The following MYO3B variants were observed in gnomAD, a reference collection of about 807,000 sequenced individuals.
The protein encoded by MYO3B is myosin-IIIb.
In MYO3B, 156 loss-of-function variants were observed where a neutral mutation model predicts 174.6. That is an observed-to-expected ratio of 0.89 (90% CI 0.78 to 1.02). MYO3B has a LOEUF of 1.02. MYO3B is among the 50% of genes least tolerant of loss of function. The pLI, the probability that MYO3B is intolerant of heterozygous loss-of-function variation, is 0.00. For missense variants in MYO3B, 1,632 were observed against 1,639.4 expected (o/e 1.00, Z 0.08); for synonymous variants, 563 against 569.1 (o/e 0.99, Z 0.15).
intron 6 of MYO3B, among the ~76,000 whole-genome samples, chr2:170,223,382 G>A (rs984218860): frequency 1.3e-5 from 2 of 152,110 alleles, no homozygotes; most frequent in South Asian, 2.1e-4. Flanking sequence ...CCACATTTGC[G>A]TAGAATTTTT....
At chr2:170,227,300 G>A (rs566668692) in intron 6 of MYO3B, among the ~76,000 whole-genome samples, 123 of 152,214 alleles carry the variant, frequency 8.1e-4, no homozygotes, top group African/African-American at 2.8e-3. Flanking sequence ...GGGGAAGTGG[G>A]GGGGTACAGG....
chr2:170,325,201 G>A (rs1032834590), intron 7 of MYO3B, among the ~76,000 whole-genome samples: 1 of 151,772 alleles, frequency 6.6e-6, no homozygotes, highest in Non-Finnish European at 1.5e-5. Flanking sequence ...ATTCTTTTTT[G>A]TTCTGTTTGG....
intron 22 of MYO3B, among the ~76,000 whole-genome samples, chr2:170,416,543 A>G (rs2094580120): frequency 6.7e-6 from 1 of 148,650 alleles, no homozygotes; most frequent in South Asian, 2.2e-4. Context: ...AAAAAAAAAA[A>G]GATACCAACT....
rs780704683 is a variant in MYO3B at position 170,620,982 on chromosome 2, G to C, written c.3734-30646G>C. ...CGGCTCACTGCAGCCTCCGCCTCCC[G>C]GGTTCAAGCGCTTCTCCTGCCTCAG... is the stretch of plus-strand genomic sequence containing the variant. On this transcript the variant is annotated intron_variant, in intron 32 of 34. Coordinates refer to ENST00000408978, the MANE Select transcript of MYO3B (RefSeq NM_138995.5). 6.6e-5 allele frequency among the ~76,000 whole-genome samples: 10 copies of C among 151,880 alleles called. No individual in the cohort carries two copies. The East Asian group carries it at 1.9e-3, about 30-fold the overall frequency.
chr2:170,396,825 AAG>A lies in MYO3B; in HGVS notation c.1792-3348_1792-3347del, dbSNP rs142722088. ...GAGCTTGTACTGTAATACATGAAGA[AAG>A]AGAGAGAGAGAGAGTCTTTGTGTGA... On this transcript the variant is annotated intron_variant, in intron 16 of 34. Coordinates refer to ENST00000408978, the MANE Select transcript of MYO3B (RefSeq NM_138995.5). Among the ~76,000 whole-genome samples, 21 of 150,724 alleles carry A rather than the reference AAG, an allele frequency of 1.4e-4. No individual in the cohort carries two copies. The East Asian group carries it at 1.9e-3, about 14-fold the overall frequency.
rs61185936 is a variant in MYO3B, at chr2:170,485,420, CAGAGAGAG to C, written c.3015-13155_3015-13148del. Among the ~76,000 whole-genome samples, 4 of 127,908 alleles carry C rather than the reference CAGAGAGAG, an allele frequency of 3.1e-5. No homozygotes were observed. In the Admixed American group the frequency reaches 3.2e-4, roughly 10 times the overall value. 83.9% of individuals were successfully genotyped at this position (127,908 alleles called of 152,430 possible). On this transcript the variant is annotated intron_variant, in intron 25 of 34. Coordinates refer to ENST00000408978, the MANE Select transcript of MYO3B (RefSeq NM_138995.5). ...ACACACACACACACACACACACACA[CAGAGAGAG>C]AGAGAGAGAGAGAGAGCGAGTGAGT... is the stretch of plus-strand genomic sequence containing the variant.
intron 16 of MYO3B, among the ~76,000 whole-genome samples, chr2:170,394,108 T>C (rs1250181980): frequency 6.6e-6 from 1 of 152,162 alleles, no homozygotes; most frequent in African/African-American, 2.4e-5. Context: ...TAATATTTTG[T>C]TTTCTTTGAG....
At chr2:170,488,301 T>A (rs1686201704) in intron 25 of MYO3B, among the ~76,000 whole-genome samples, 1 of 151,032 alleles carries the variant, frequency 6.6e-6, no homozygotes, top group Non-Finnish European at 1.5e-5. Context: ...ATTTATTTTA[T>A]TCATTTATTT....
chr2:170,245,074 G>A (rs2093175169), intron 7 of MYO3B, among the ~76,000 whole-genome samples: 1 of 152,096 alleles, frequency 6.6e-6, no homozygotes, highest in African/African-American at 2.4e-5. Flanking sequence ...AAGTTCTGGG[G>A]GCCTGAGGCA....
At chr2:170,476,825 T>C (rs1320724676) in intron 25 of MYO3B, among the ~76,000 whole-genome samples, 1 of 152,102 alleles carries the variant, frequency 6.6e-6, no homozygotes, top group Non-Finnish European at 1.5e-5. Context: ...CATCCTCTTC[T>C]ACCGAGTATT....
chr2:170,229,390 T>C, intron 6 of MYO3B, among the ~76,000 whole-genome samples: 1 of 152,232 alleles, frequency 6.6e-6, no homozygotes, highest in East Asian at 1.9e-4. Flanking sequence ...TTTGCCTGTG[T>C]ACTTGAGTGA....
At chr2:170,593,626 G>A (rs930578434) in intron 32 of MYO3B, among the ~76,000 whole-genome samples, 1 of 152,170 alleles carries the variant, frequency 6.6e-6, no homozygotes, top group African/African-American at 2.4e-5. Context: ...ACCCAAATGA[G>A]GTCTGTTAGT....
intron 7 of MYO3B, among the ~76,000 whole-genome samples, chr2:170,317,482 A>C (rs2093784358): frequency 6.6e-6 from 1 of 152,162 alleles, no homozygotes; most frequent in South Asian, 2.1e-4. Flanking sequence ...GTTTTGAAAA[A>C]CATGGAGTTA....
At chr2:170,322,787 T>C (rs150362747) in intron 7 of MYO3B, among the ~76,000 whole-genome samples, 2 of 152,286 alleles carry the variant, frequency 1.3e-5, no homozygotes, top group East Asian at 1.9e-4. Flanking sequence ...ACATGGTCTC[T>C]GGTGATCCAG....
chr2:170,621,494 G>T (rs1695909747), intron 32 of MYO3B, among the ~76,000 whole-genome samples: 1 of 151,030 alleles, frequency 6.6e-6, no homozygotes. Flanking sequence ...CTACCAACTG[G>T]AAATGTTTTT....
At chr2:170,585,768 GTGGCCAGGCGTGGTGGCTCACGCC>G (rs1486544206) in intron 32 of MYO3B, among the ~76,000 whole-genome samples, 1 of 152,168 alleles carries the variant, frequency 6.6e-6, no homozygotes, top group Non-Finnish European at 1.5e-5. Context: ...AAATCACACA[GTGGCCAGGCGTGGTGGCTCACGCC>G]TGTAATCCCA....
intron 25 of MYO3B, among the ~76,000 whole-genome samples, chr2:170,486,410 T>C (rs1686063132): frequency 6.7e-6 from 1 of 149,034 alleles, no homozygotes; most frequent in Non-Finnish European, 1.5e-5. Flanking sequence ...GTTCAAGCAA[T>C]TCTCTTGCCT....
chr2:170,557,297 G>A (rs558884537), intron 32 of MYO3B, among the ~76,000 whole-genome samples: 1 of 152,066 alleles, frequency 6.6e-6, no homozygotes, highest in East Asian at 1.9e-4. Context: ...CCACCACCAT[G>A]CCCAGCTAAT....
chr2:170,286,424 C>A (rs1289634946), intron 7 of MYO3B, among the ~76,000 whole-genome samples: 2 of 152,090 alleles, frequency 1.3e-5, no homozygotes, highest in Admixed American at 1.3e-4. Context: ...CCATCTGTAC[C>A]TGTACCACAT....
Sources: allele counts gnomAD v4.1 joint callset (sites outside exome capture counted in the v4.1 genomes callset), GRCh38; gene constraint gnomAD v4.1.1; transcripts MANE v1.5; gene names NCBI Gene and HGNC (gene_info 2026-07-23, HGNC 2026-07-21).